The following PTCH1 variants were observed in gnomAD, a reference collection of about 807,000 sequenced individuals.
The protein encoded by PTCH1 is protein patched homolog 1.
In PTCH1, 14 loss-of-function variants were observed where a neutral mutation model predicts 144.6. That is an observed-to-expected ratio of 0.10 (90% CI 0.06 to 0.15). The LOEUF (loss-of-function observed/expected upper bound fraction) is 0.15, where lower values mean the gene tolerates loss of function less well. PTCH1 is among the 10% of genes least tolerant of loss of function. PTCH1 has a pLI of 1.00. For synonymous variants in PTCH1, 833 were observed against 793.6 expected (o/e 1.05, Z -0.83); for missense variants, 1,623 against 1,948.3 (o/e 0.83, Z 3.14).
Position 95,476,553 on chromosome 9 carries a change from G to A in PTCH1, c.1602+206C>T, listed in dbSNP as rs1841052523. Among the ~76,000 whole-genome samples, 2 of 152,148 alleles carry A rather than the reference G, an allele frequency of 1.3e-5. No homozygotes were observed. The highest frequency in any genetic ancestry group is 6.5e-5 in the Admixed American group (1 of 15,270). ...AACACCCGTATTCCTAAAGGCACCCGAGATGCAGCTCTTGGGACTTCTCAT... is the reference window on the plus strand; with the variant it reads ...AACACCCGTATTCCTAAAGGCACCCAAGATGCAGCTCTTGGGACTTCTCAT... On this transcript the variant is annotated intron_variant, in intron 11 of 23. Coordinates refer to ENST00000331920, the MANE Select transcript of PTCH1 (RefSeq NM_000264.5). The surrounding 1 kb of genome is among the most constrained non-coding windows in gnomAD (Gnocchi z 4.6).
rs778455544 is a variant in PTCH1 at position 95,478,104 on chromosome 9, G to A, written c.1298C>T (p.Ser433Phe). ...GCGGATGACACTGACGTCAGAGAAGGATTTCAGGATGTCGTCCAGGGTCGT... is the reference window on the plus strand; with the variant it reads ...GCGGATGACACTGACGTCAGAGAAGAATTTCAGGATGTCGTCCAGGGTCGT... The part of the protein sequence containing the change: ...TTTTLDDILK[S>F]FSDVSVIRVA... The change falls in exon 9 of 24, where the codon TCC becomes TTC. Residue 433 changes from serine (S) to phenylalanine (F), a missense_variant. This residue lies in a region of PTCH1 where 230 missense variants were observed against 271.0 expected (regional missense o/e 0.85). Coordinates refer to ENST00000331920, the MANE Select transcript of PTCH1 (RefSeq NM_000264.5). The A allele has an allele frequency of 6.2e-7, 1 of 1,614,204 alleles. No homozygotes were observed. The highest frequency in any genetic ancestry group is 8.5e-7 in the Non-Finnish European group (1 of 1,180,038).
chr9:95,472,997 A>G (rs1840715494), intron 12 of PTCH1, among the ~76,000 whole-genome samples: 1 of 152,230 alleles, frequency 6.6e-6, no homozygotes, highest in Admixed American at 6.5e-5. Flanking sequence ...AAAGCAGCTA[A>G]GGCTGGGACA....
In PTCH1 at chr9:95,449,959, A is replaced by C; in HGVS notation, c.3450-19T>G. On this transcript the variant is annotated intron_variant, in intron 20 of 23. Transcript: ENST00000331920. This position sits in a 1 kb window ranked among gnomAD's most constrained non-coding sequence, Gnocchi z 5.3. The stretch of plus-strand genomic sequence containing the variant: ...GAAATACCTGGGAGATCAAGAGGAA[A>C]CGGGAACACGCGCTGTGACAGGGTG... 1 of 1,603,956 alleles carries C rather than the reference A, an allele frequency of 6.2e-7. No homozygotes were observed. The highest frequency in any genetic ancestry group is 8.5e-7 in the Non-Finnish European group (1 of 1,170,952).
intron 2 of PTCH1, among the ~76,000 whole-genome samples, chr9:95,502,419 C>T (rs1843209825): frequency 6.6e-6 from 1 of 152,214 alleles, no homozygotes; most frequent in South Asian, 2.1e-4. Context: ...AGAACATGTG[C>T]AGAATGAACG....
chr9:95,477,433 C>A, intron 10 of PTCH1, 114 bp downstream of exon 10: 2 of 1,426,084 alleles, frequency 1.4e-6, no homozygotes, highest in Non-Finnish European at 2.0e-6. Flanking sequence ...GTGGAAAAGG[C>A]TGCAAGACCC....
chr9:95,496,666 TAA>T (rs1235675631), intron 2 of PTCH1, among the ~76,000 whole-genome samples: 1 of 152,172 alleles, frequency 6.6e-6, no homozygotes, highest in African/African-American at 2.4e-5. Context: ...AGCAAGGTAT[TAA>T]ACATGTGCAA....
At chr9:95,490,312 C>T (rs1432292720) in intron 2 of PTCH1, among the ~76,000 whole-genome samples, 2 of 151,474 alleles carry the variant, frequency 1.3e-5, no homozygotes, top group Non-Finnish European at 2.9e-5. Flanking sequence ...TTTATCTCTA[C>T]AAATAAAAAG....
At position 95,443,520 on chromosome 9, in the gene PTCH1, A is replaced by T. The variant is rs1055870725; in HGVS notation, c.*2873T>A. Reference sequence around the variant, plus strand: ...TTCACCTTCCAAGGTTTGAAATGAGAAGCATGCTAGGTCGCCAATGGTAAC... The same window carrying T: ...TTCACCTTCCAAGGTTTGAAATGAGTAGCATGCTAGGTCGCCAATGGTAAC... On this transcript the variant is annotated 3_prime_UTR_variant, in exon 24 of 24. Transcript: ENST00000331920. 6.6e-6 allele frequency: 1 copy of T among 152,636 alleles called. No individual in the cohort carries two copies. Among genetic ancestry groups the T allele is most frequent in the East Asian group, 1.9e-4 (1 of 5,204 alleles). The allele number at this position is 152,636 out of a possible 1,614,324, so 9.5% of individuals were successfully genotyped here.
In PTCH1 at chr9:95,480,596, A is replaced by G. The variant is rs780639292; in HGVS notation, c.747-8T>C. ...CGCAAAGGAGGTTTACCTCTGCAAA[A>G]GAAATTAGGAGACGAGACCATGAAA... On this transcript the variant is annotated splice_polypyrimidine_tract_variant and splice_region_variant and intron_variant, in intron 5 of 23. Transcript: ENST00000331920. The G allele has an allele frequency of 1.1e-5, 18 of 1,610,234 alleles. No individual in the cohort carries two copies. Among genetic ancestry groups the G allele is most frequent in the Non-Finnish European group, 1.5e-5 (18 of 1,176,762 alleles).
intron 19 of PTCH1, among the ~76,000 whole-genome samples, chr9:95,454,543 A>G (rs1312261706): frequency 1.3e-5 from 2 of 152,236 alleles, no homozygotes; most frequent in Non-Finnish European, 2.9e-5. Context: ...AGAGTTGGTA[A>G]AGACATTAGG....
rs1427173242 is a variant in PTCH1, at chr9:95,458,350, T to C, written c.2888-57A>G. Reference sequence around the variant, plus strand: ...CCCAGGGTAGAAGAGCATCACAGTTTCAATGGAAAGAGAGAAGAACTTTGC... The same window carrying C: ...CCCAGGGTAGAAGAGCATCACAGTTCCAATGGAAAGAGAGAAGAACTTTGC... On this transcript the variant is annotated intron_variant, in intron 17 of 23. Coordinates refer to ENST00000331920, the MANE Select transcript of PTCH1 (RefSeq NM_000264.5). The surrounding 1 kb of genome is among the most constrained non-coding windows in gnomAD (Gnocchi z 4.7). The C allele has an allele frequency of 6.3e-7, 1 of 1,582,168 alleles. No individual in the cohort carries two copies. The highest frequency in any genetic ancestry group is 2.3e-5 in the East Asian group (1 of 43,698).
chr9:95,508,353 C>G lies in PTCH1; in HGVS notation c.9G>C (p.Ser3=). MA[S]AGNAAEPQDR... The stretch of plus-strand genomic sequence containing the variant: ...CCTGGGGCTCGGCGGCGTTACCAGC[C>G]GAGGCCATGTTGCCGCCGCCGCCGC... Residue 3 remains serine (S), a synonymous_variant, in exon 1 of 24, where the codon TCG becomes TCC. Transcript: ENST00000331920. The G allele has an allele frequency of 8.3e-7, 1 of 1,210,044 alleles. No homozygotes were observed. Among genetic ancestry groups the G allele is most frequent in the Middle Eastern group, 3.2e-4 (1 of 3,080 alleles). The allele number at this position is 1,210,044 out of a possible 1,614,324, so 75.0% of individuals were successfully genotyped here.
chr9:95,453,505 G>A lies in PTCH1; in HGVS notation c.3422C>T (p.Ala1141Val), dbSNP rs376844749. The A allele has an allele frequency of 3.3e-5, 53 of 1,613,922 alleles. No individual in the cohort carries two copies. Among genetic ancestry groups the A allele is most frequent in the Admixed American group, 6.7e-5 (4 of 59,998 alleles). The change falls in exon 20 of 24, where the codon GCG becomes GTG. Residue 1141 changes from alanine to valine, a missense_variant. By Grantham distance (64) the Ala-to-Val change is moderately conservative. Transcript: ENST00000331920. The part of the protein sequence containing the change: ...VSTLLGVLML[A>V]GSEFDFIVRY... ...GACAATGAAGTCGAACTCAGATCCC[G>A]CCAGCATCAGCACTCCCAGCAGAGT...
In PTCH1 at chr9:95,456,226, G is replaced by A. The variant is rs767074468; in HGVS notation, c.3306+50C>T. Reference sequence around the variant, plus strand: ...CCACTTGGAGACAAACAGAGCCAGAGGAAATGGGTTGTTTTTTCACAAAGT... The same window carrying A: ...CCACTTGGAGACAAACAGAGCCAGAAGAAATGGGTTGTTTTTTCACAAAGT... On this transcript the variant is annotated intron_variant, in intron 19 of 23. Coordinates refer to ENST00000331920, the MANE Select transcript of PTCH1 (RefSeq NM_000264.5). 4 of 1,608,208 alleles carry A rather than the reference G, an allele frequency of 2.5e-6. No individual in the cohort carries two copies. In the South Asian group the frequency reaches 4.4e-5, roughly 18 times the overall value.
chr9:95,480,370 C>T lies in PTCH1; in HGVS notation c.945+20G>A, dbSNP rs374618901. On this transcript the variant is annotated intron_variant, in intron 6 of 23. Coordinates refer to ENST00000331920, the MANE Select transcript of PTCH1 (RefSeq NM_000264.5). ...GTTTTGCTCTCCACCCTTCTGAGAG[C>T]GCTCACTGCTGGTACTCACTTTGGT... 7.3e-4 allele frequency: 1,180 copies of T among 1,608,652 alleles called. 3 individuals carry two copies. The highest frequency in any genetic ancestry group is 9.6e-4 in the Non-Finnish European group (1,134 of 1,178,920).
At chr9:95,487,171 C>G (rs1353698885) in intron 2 of PTCH1, among the ~76,000 whole-genome samples, 1 of 152,148 alleles carries the variant, frequency 6.6e-6, no homozygotes, top group Non-Finnish European at 1.5e-5. Flanking sequence ...ATTAGGAAAA[C>G]CAGTACAAAT....
At chr9:95,499,934 A>G (rs1843037413) in intron 2 of PTCH1, among the ~76,000 whole-genome samples, 1 of 151,798 alleles carries the variant, frequency 6.6e-6, no homozygotes. Context: ...TACAAGCAGG[A>G]GAACAGGGCA....
intron 12 of PTCH1, among the ~76,000 whole-genome samples, chr9:95,474,706 T>C (rs1840880497): frequency 6.6e-6 from 1 of 152,106 alleles, no homozygotes; most frequent in African/African-American, 2.4e-5. Context: ...ACTAGCGAAA[T>C]GACATTCAAA....
intron 1 of PTCH1, 103 bp downstream of exon 1, chr9:95,508,058 T>TGTGA: frequency 1.3e-6 from 2 of 1,501,630 alleles, no homozygotes; most frequent in Middle Eastern, 1.8e-4. Flanking sequence ...TGTGTGTGTG[T>TGTGA]GAGAGAGAGA....
Sources: gnomAD v4.1 joint callset for allele counts (sites outside exome capture counted in the v4.1 genomes callset) on GRCh38, gnomAD v4.1.1 for gene constraint, gnomAD v4.1.1 regional missense constraint, Gnocchi (gnomAD v3.1) non-coding constraint, MANE v1.5 for transcripts, NCBI Gene and HGNC (gene_info 2026-07-23, HGNC 2026-07-21) for gene names.